The following WBP1L variants were observed in gnomAD, a reference collection of about 807,000 sequenced individuals.
WBP1L encodes the protein WW domain binding protein 1 like, also known as WW domain binding protein 1-like.
A neutral mutation model predicts 33.7 loss-of-function variants in WBP1L; 17 were observed. That is an observed-to-expected ratio of 0.50 (90% confidence interval 0.34 to 0.76). The LOEUF is 0.76. Among genes scored for constraint, WBP1L ranks in the 30% least tolerant of loss-of-function variants. The probability of loss-of-function intolerance (pLI) is 0.01; values close to 1 mark genes in which losing one functional copy is unlikely to be tolerated. For synonymous variants in WBP1L, 173 were observed against 190.8 expected (o/e 0.91, Z 0.77); for missense variants, 389 against 469.4 (o/e 0.83, Z 1.58).
chr10:102,808,665 C>T (rs1263981976), intron 2 of WBP1L, among the ~76,000 whole-genome samples: 1 of 152,192 alleles, frequency 6.6e-6, no homozygotes. Context: ...ATCATTTACA[C>T]TCTCTAGGGA....
Position 102,772,558 on chromosome 10 carries a change from CTTTTTTTTTT to C in WBP1L, c.91-25415_91-25406del, listed in dbSNP as rs34624231. Among the ~76,000 whole-genome samples, 257 of 64,746 alleles carry C rather than the reference CTTTTTTTTTT, an allele frequency of 4.0e-3. 5 individuals carry two copies. Among genetic ancestry groups the C allele is most frequent in the African/African-American group, 0.014 (243 of 17,302 alleles). 42.5% of individuals were successfully genotyped at this position (64,746 alleles called of 152,430 possible). On this transcript the variant is annotated intron_variant, in intron 1 of 3. Coordinates refer to ENST00000448841, the MANE Select transcript of WBP1L (RefSeq NM_001083913.2). ...TTACAAGCATGAGCCATGCCCGGCC[CTTTTTTTTTT>C]TTTTTTTTTTTTTTTTTTTGAGACA... is the stretch of plus-strand genomic sequence containing the variant.
chr10:102,754,313 C>T (rs1842950161), intron 1 of WBP1L, among the ~76,000 whole-genome samples: 1 of 152,202 alleles, frequency 6.6e-6, no homozygotes, highest in African/African-American at 2.4e-5. Flanking sequence ...AGCATAAAAC[C>T]TACCCCAGTA....
At chr10:102,798,634 A>G (rs900063663) in intron 2 of WBP1L, among the ~76,000 whole-genome samples, 7 of 152,192 alleles carry the variant, frequency 4.6e-5, no homozygotes, top group African/African-American at 1.7e-4. Flanking sequence ...CGTATTGGCC[A>G]AGATGGTCTC....
At chr10:102,760,961 A>G (rs1197536512) in intron 1 of WBP1L, among the ~76,000 whole-genome samples, 3 of 151,938 alleles carry the variant, frequency 2.0e-5, no homozygotes, top group Non-Finnish European at 2.9e-5. Flanking sequence ...ATCTCGGCTC[A>G]TTGCAACCTC....
chr10:102,781,274 AGGG>A (rs1277092690), intron 1 of WBP1L, among the ~76,000 whole-genome samples: 1 of 152,132 alleles, frequency 6.6e-6, no homozygotes, highest in Non-Finnish European at 1.5e-5. Context: ...TGGAGAGGGA[AGGG>A]GGGGAATTGC....
intron 1 of WBP1L, among the ~76,000 whole-genome samples, chr10:102,753,820 G>A (rs1004303645): frequency 3.9e-5 from 6 of 152,206 alleles, no homozygotes; most frequent in African/African-American, 1.4e-4. Context: ...GCTTGGAAGG[G>A]TGGGTCCTAG....
At chr10:102,750,402 GA>G (rs111358337) in intron 1 of WBP1L, among the ~76,000 whole-genome samples, 5 of 148,536 alleles carry the variant, frequency 3.4e-5, no homozygotes, top group Middle Eastern at 3.2e-3. Flanking sequence ...CTCAAAAAAA[GA>G]AAAAAAAACT....
In WBP1L at chr10:102,779,097, T is replaced by C. The variant is rs766437534; in HGVS notation, c.91-18896T>C. Among the ~76,000 whole-genome samples, 33 of 152,046 alleles carry C rather than the reference T, an allele frequency of 2.2e-4. No individual in the cohort carries two copies. The Middle Eastern group carries it at 0.01, about 47-fold the overall frequency. ...CGGCTCAATGTCTGAGAGTAGAGTATGATTAATGCATTGTTCTCCTTGGGG... is the reference window on the plus strand; with the variant it reads ...CGGCTCAATGTCTGAGAGTAGAGTACGATTAATGCATTGTTCTCCTTGGGG... On this transcript the variant is annotated intron_variant, in intron 1 of 3. Coordinates refer to ENST00000448841, the MANE Select transcript of WBP1L (RefSeq NM_001083913.2).
intron 1 of WBP1L, among the ~76,000 whole-genome samples, chr10:102,777,820 C>T (rs1439513327): frequency 6.6e-6 from 1 of 152,142 alleles, no homozygotes; most frequent in Non-Finnish European, 1.5e-5. Context: ...CCACCTCAGC[C>T]TCCCGAAGTG....
intron 3 of WBP1L, among the ~76,000 whole-genome samples, chr10:102,810,665 C>G (rs1353118848): frequency 7.1e-6 from 1 of 140,806 alleles, no homozygotes; most frequent in Admixed American, 7.9e-5. Context: ...TTTCCAGGTT[C>G]AAGCGATTCT....
intron 1 of WBP1L, among the ~76,000 whole-genome samples, chr10:102,763,749 A>T (rs1843072172): frequency 6.6e-6 from 1 of 152,240 alleles, no homozygotes; most frequent in Non-Finnish European, 1.5e-5. Context: ...ATTCCAGCTG[A>T]TAGAAGGAGC....
chr10:102,782,090 A>G (rs1843345235), intron 1 of WBP1L, among the ~76,000 whole-genome samples: 1 of 151,072 alleles, frequency 6.6e-6, no homozygotes, highest in Admixed American at 6.6e-5. Flanking sequence ...TTGGTCTGAA[A>G]CTCCTGACCT....
chr10:102,812,154 G>A (rs1245174736), intron 3 of WBP1L, among the ~76,000 whole-genome samples: 1 of 152,222 alleles, frequency 6.6e-6, no homozygotes. Context: ...AGGAAGAAAA[G>A]TAGTTAAGAA....
Position 102,812,717 on chromosome 10 carries a change from C to A in WBP1L, c.478C>A (p.Pro160Thr). The change falls in exon 4 of 4, where the codon CCT becomes ACT. Residue 160 changes from proline (P) to threonine (T), a missense_variant. Coordinates refer to ENST00000448841, the MANE Select transcript of WBP1L (RefSeq NM_001083913.2). Reference protein sequence around the residue: ...QQQLLPPQCGPAGGSPPGIDP... With the variant: ...QQQLLPPQCGTAGGSPPGIDP... ...GCAGCTGCTGCCTCCACAGTGTGGC[C>A]CTGCAGGTGGCAGTCCCCCGGGCAT... 8.1e-6 allele frequency: 13 copies of A among 1,614,000 alleles called. No homozygotes were observed. The highest frequency in any genetic ancestry group is 1.1e-5 in the Non-Finnish European group (13 of 1,179,976).
intron 1 of WBP1L, among the ~76,000 whole-genome samples, chr10:102,796,245 G>A (rs1843571748): frequency 6.6e-6 from 1 of 152,156 alleles, no homozygotes. Flanking sequence ...GCAATGTTGT[G>A]AGGGCCTCAT....
In WBP1L at chr10:102,777,277, C is replaced by A. The variant is rs641204; in HGVS notation, c.91-20716C>A. Among the ~76,000 whole-genome samples, 515 of 151,954 alleles carry A rather than the reference C, an allele frequency of 3.4e-3. 1 individual carries two copies. Among genetic ancestry groups the A allele is most frequent in the Non-Finnish European group, 6.2e-3 (423 of 67,944 alleles). On this transcript the variant is annotated intron_variant, in intron 1 of 3. Coordinates refer to ENST00000448841, the MANE Select transcript of WBP1L (RefSeq NM_001083913.2). ...AAGGGGTGGGGAGGGAGCACACACC[C>A]TCTGCTGCCTGTTCCTGGGTGAGGA...
intron 1 of WBP1L, chr10:102,746,072 G>A (rs1429254884): frequency 1.1e-6 from 1 of 898,812 alleles, no homozygotes; most frequent in Admixed American, 6.2e-5. Context: ...GAATGTCAGA[G>A]CCTTTGGAGA....
intron 1 of WBP1L, among the ~76,000 whole-genome samples, chr10:102,787,548 A>G (rs1437514635): frequency 6.6e-6 from 1 of 151,976 alleles, no homozygotes; most frequent in African/African-American, 2.4e-5. Context: ...TGATCGTGCC[A>G]CTACACTCTA....
intron 1 of WBP1L, among the ~76,000 whole-genome samples, chr10:102,762,259 C>T (rs1843051607): frequency 6.6e-6 from 1 of 152,166 alleles, no homozygotes; most frequent in South Asian, 2.1e-4. Context: ...TGTTCCTCAA[C>T]ATTAGTCATC....
Sources: gnomAD v4.1 joint callset for allele counts (sites outside exome capture counted in the v4.1 genomes callset) on GRCh38, gnomAD v4.1.1 for gene constraint, MANE v1.5 for transcripts, NCBI Gene and HGNC (gene_info 2026-07-23, HGNC 2026-07-21) for gene names.